The following PCDHGA12 variants were observed in gnomAD, a reference collection of about 807,000 sequenced individuals.
PCDHGA12 encodes the protein protocadherin gamma subfamily A, 12, also known as protocadherin gamma-A12.
In PCDHGA12, 43 loss-of-function variants were observed where a neutral mutation model predicts 61.1. The ratio of observed to expected loss-of-function variants is 0.70; its 90% CI spans 0.55 to 0.91. The LOEUF is 0.91. Among genes scored for constraint, PCDHGA12 ranks in the 40% least tolerant of loss-of-function variants. The pLI is 0.00. For synonymous variants in PCDHGA12, 520 were observed against 542.9 expected (o/e 0.96, Z 0.59); for missense variants, 1,236 against 1,227.7 (o/e 1.01, Z -0.10).
At chr5:141,497,479 G>A (rs1028715475) in intron 2 of PCDHGA12, among the ~76,000 whole-genome samples, 5 of 151,886 alleles carry the variant, frequency 3.3e-5, no homozygotes, top group Non-Finnish European at 7.4e-5. Flanking sequence ...GAGAAGGTGC[G>A]GAACCTCTCT....
At chr5:141,433,383 CT>C (rs2097595660) in intron 1 of PCDHGA12, among the ~76,000 whole-genome samples, 200 bp downstream of exon 1, 1 of 151,456 alleles carries the variant, frequency 6.6e-6, no homozygotes, top group Non-Finnish European at 1.5e-5. Context: ...ATCTATCTAT[CT>C]ATCTATCTAT....
intron 1 of PCDHGA12, among the ~76,000 whole-genome samples, chr5:141,472,863 G>A (rs2099301197): frequency 6.7e-6 from 1 of 149,994 alleles, no homozygotes. Context: ...GCACATGCCT[G>A]TATTCCCAGC....
intron 1 of PCDHGA12, among the ~76,000 whole-genome samples, chr5:141,456,483 CTTAATA>C (rs2098861684): frequency 1.3e-5 from 2 of 152,072 alleles, no homozygotes; most frequent in African/African-American, 4.8e-5. Context: ...CAAGAGAGTG[CTTAATA>C]AAGGGGTTAA....
intron 1 of PCDHGA12, among the ~76,000 whole-genome samples, chr5:141,482,530 CAA>C (rs3074545): frequency 2.5e-4 from 19 of 76,528 alleles, no homozygotes; most frequent in East Asian, 4.2e-4. Context: ...GACAGACATG[CAA>C]AAAAAAAAAA....
intron 2 of PCDHGA12, among the ~76,000 whole-genome samples, chr5:141,503,608 AAAAAAAG>A (rs1483073868): frequency 3.3e-5 from 5 of 151,876 alleles, no homozygotes; most frequent in South Asian, 2.1e-4. Context: ...CAAAAAAAAA[AAAAAAAG>A]AAAAAAGAAA....
intron 1 of PCDHGA12, among the ~76,000 whole-genome samples, chr5:141,462,459 CTG>C (rs2099040203): frequency 6.6e-6 from 1 of 152,010 alleles, no homozygotes; most frequent in African/African-American, 2.4e-5. Flanking sequence ...TAACTGAAAA[CTG>C]TGTATTCTGC....
rs1319222603 is a variant in PCDHGA12 at position 141,438,686 on chromosome 5, A to G, written c.2424+5503A>G. Among the ~76,000 whole-genome samples the G allele has an allele frequency of 2.8e-5, 4 of 140,922 alleles. No homozygotes were observed. The Admixed American group carries it at 2.9e-4, about 10-fold the overall frequency. 92.5% of individuals were successfully genotyped at this position (140,922 alleles called of 152,430 possible). On this transcript the variant is annotated intron_variant, in intron 1 of 3. Transcript: ENST00000252085. ...TATATATATTTGGAGTAGGGGATGGAGTCTTGCTCTGTCACCCAGGCTGGA... is the reference window on the plus strand; with the variant it reads ...TATATATATTTGGAGTAGGGGATGGGGTCTTGCTCTGTCACCCAGGCTGGA...
rs141958687 is a variant in PCDHGA12 at position 141,509,744 on chromosome 5, G to A, written c.2573-1203G>A. 3.3e-3 allele frequency among the ~76,000 whole-genome samples: 509 copies of A among 152,266 alleles called. 3 individuals are homozygous for A. The highest frequency in any genetic ancestry group is 5.5e-3 in the Non-Finnish European group (372 of 68,024). On this transcript the variant is annotated intron_variant, in intron 3 of 3. Coordinates refer to ENST00000252085, the MANE Select transcript of PCDHGA12 (RefSeq NM_003735.3). ...CACCTAGCTGTGGCACTCTGAGCCT[G>A]TGCCTAAAGTGTCCCTGAGATGTCT...
At chr5:141,488,519 G>C (rs1210943979) in intron 1 of PCDHGA12, among the ~76,000 whole-genome samples, 1 of 152,184 alleles carries the variant, frequency 6.6e-6, no homozygotes, top group Non-Finnish European at 1.5e-5. Flanking sequence ...GGGGTCTGGG[G>C]TGTCAGAAAA....
intron 1 of PCDHGA12, among the ~76,000 whole-genome samples, chr5:141,465,091 G>A (rs1689517062): frequency 6.7e-6 from 1 of 149,016 alleles, no homozygotes; most frequent in Non-Finnish European, 1.5e-5. Context: ...CATTTTTCTA[G>A]TAGTTTTTTT....
At chr5:141,472,022 T>A (rs949257396) in intron 1 of PCDHGA12, among the ~76,000 whole-genome samples, 6 of 152,176 alleles carry the variant, frequency 3.9e-5, no homozygotes, top group African/African-American at 1.4e-4. Context: ...CTATATTGTA[T>A]GTAGAAAGCT....
chr5:141,497,111 G>A (rs899232924), intron 2 of PCDHGA12, among the ~76,000 whole-genome samples: 16 of 152,010 alleles, frequency 1.1e-4, no homozygotes, highest in Non-Finnish European at 1.2e-4. Context: ...GCTTGAACCC[G>A]GAAGGCAGAG....
At chr5:141,451,185 T>C (rs900513875) in intron 1 of PCDHGA12, among the ~76,000 whole-genome samples, 1 of 152,182 alleles carries the variant, frequency 6.6e-6, no homozygotes, top group Non-Finnish European at 1.5e-5. Context: ...GCCATTGCTG[T>C]GTAACAAATT....
intron 1 of PCDHGA12, chr5:141,492,070 GCCGGCT>G (rs1329848558): frequency 2.1e-6 from 1 of 477,826 alleles, no homozygotes; most frequent in Non-Finnish European, 3.7e-6. Context: ...CCTCCTAGGC[GCCGGCT>G]CCGGCACGCT....
intron 3 of PCDHGA12, among the ~76,000 whole-genome samples, chr5:141,510,440 C>T (rs1251795430): frequency 6.6e-6 from 1 of 152,066 alleles, no homozygotes; most frequent in Non-Finnish European, 1.5e-5. Context: ...TGCTGCCCTC[C>T]AGGAGCCCAT....
chr5:141,478,822 T>A, intron 1 of PCDHGA12: 2 of 1,444,070 alleles, frequency 1.4e-6, no homozygotes, highest in South Asian at 1.5e-5. Context: ...AACTAACCAA[T>A]CTTGCTAAGG....
chr5:141,498,390 T>C (rs2099783500), intron 2 of PCDHGA12, among the ~76,000 whole-genome samples: 1 of 151,982 alleles, frequency 6.6e-6, no homozygotes, highest in Non-Finnish European at 1.5e-5. Context: ...ATCAAGGGAA[T>C]GGCAGGGAGT....
intron 1 of PCDHGA12, among the ~76,000 whole-genome samples, chr5:141,445,320 A>G (rs1462989860): frequency 1.3e-5 from 2 of 152,188 alleles, no homozygotes; most frequent in Non-Finnish European, 2.9e-5. Flanking sequence ...GGTTGAGAGA[A>G]CCCATCCAGA....
At chr5:141,501,570 G>C (rs1251110101) in intron 2 of PCDHGA12, among the ~76,000 whole-genome samples, 1 of 151,996 alleles carries the variant, frequency 6.6e-6, no homozygotes, top group African/African-American at 2.4e-5. Flanking sequence ...ATCATATTAG[G>C]CTGGCTTTCA....
Sources: allele counts gnomAD v4.1 joint callset (sites outside exome capture counted in the v4.1 genomes callset), GRCh38; gene constraint gnomAD v4.1.1; transcripts MANE v1.5; gene names NCBI Gene and HGNC (gene_info 2026-07-23, HGNC 2026-07-21).